RASSF3: variants seen among roughly 807,000 people sequenced by gnomAD.
The protein encoded by RASSF3 is Ras association domain family member 3, also known as ras association domain-containing protein 3.
In RASSF3, 19 loss-of-function variants were observed where a neutral mutation model predicts 19.9. The ratio of observed to expected loss-of-function variants is 0.96; its 90% CI spans 0.67 to 1.40. The LOEUF (loss-of-function observed/expected upper bound fraction) is 1.40, where lower values mean the gene tolerates loss of function less well. Ranked by LOEUF, RASSF3 falls within the 40% of genes most tolerant of loss-of-function variation. The pLI is 0.00. For synonymous variants in RASSF3, 110 were observed against 104.2 expected (o/e 1.06, Z -0.34); for missense variants, 306 against 289.8 (o/e 1.06, Z -0.41).
At chr12:64,527,351 T>C (rs1868609904) in intron 1 of RASSF3, among the ~76,000 whole-genome samples, 1 of 152,170 alleles carries the variant, frequency 6.6e-6, no homozygotes, top group African/African-American at 2.4e-5. Flanking sequence ...AAACAGAAGA[T>C]AACGACAGTA....
rs1175074464 is a variant in RASSF3, at chr12:64,696,118, C to CCTCCCTCACTCCCTCCCTCA, written c.*1210_*1211insCTCACTCCCTCCCTCACTCC. The CCTCCCTCACTCCCTCCCTCA allele has an allele frequency of 2.2e-5, 2 of 89,756 alleles. No individual in the cohort carries two copies. Among genetic ancestry groups the CCTCCCTCACTCCCTCCCTCA allele is most frequent in the African/African-American group, 9.8e-5 (2 of 20,344 alleles). The allele number at this position is 89,756 out of a possible 1,614,324, so 5.6% of individuals were successfully genotyped here. ...CCCTCCCTCCCTCCCTCCCTCCCTCCCTCCTTCCCTCCCTCTCTCTCCCTC... is the reference window on the plus strand; with the variant it reads ...CCCTCCCTCCCTCCCTCCCTCCCTCCCTCCCTCACTCCCTCCCTCACTCCTTCCCTCCCTCTCTCTCCCTC... On this transcript the variant is annotated 3_prime_UTR_variant, in exon 5 of 5. Transcript: ENST00000542104.
At chr12:64,543,495 TCCCCCACA>T (rs1211508969), downstream of RASSF3, among the ~76,000 whole-genome samples, 2 of 19,324 alleles carry the variant, frequency 1.0e-4, no homozygotes, top group African/African-American at 1.5e-4. Flanking sequence ...ACTCCCCCAC[TCCCCCACA>T]CCCTCCCCCC....
At chr12:64,682,509 G>C (rs551663759) in intron 1 of RASSF3, among the ~76,000 whole-genome samples, 1 of 151,486 alleles carries the variant, frequency 6.6e-6, no homozygotes, top group Admixed American at 6.6e-5. Context: ...GGAGGTTGCA[G>C]TGAGCCCAGA....
At chr12:64,618,534 G>A (rs997255302) in intron 1 of RASSF3, among the ~76,000 whole-genome samples, 7 of 152,008 alleles carry the variant, frequency 4.6e-5, no homozygotes, top group East Asian at 1.9e-4. Context: ...ATACCATGTT[G>A]GCCAGACTGG....
At chr12:64,638,890 G>A (rs1470293117) in intron 1 of RASSF3, among the ~76,000 whole-genome samples, 2 of 152,148 alleles carry the variant, frequency 1.3e-5, no homozygotes, top group African/African-American at 4.8e-5. Context: ...CCATTTTACT[G>A]TTGATGGACA....
At chr12:64,601,812 C>G (rs1409800657) in intron 2 of RASSF3, among the ~76,000 whole-genome samples, 2 of 150,238 alleles carry the variant, frequency 1.3e-5, no homozygotes, top group Non-Finnish European at 3.0e-5. Flanking sequence ...GACTCTGTCT[C>G]TTAAAAATAA....
At chr12:64,643,243 T>G (rs969908799) in intron 1 of RASSF3, among the ~76,000 whole-genome samples, 5 of 152,122 alleles carry the variant, frequency 3.3e-5, no homozygotes, top group African/African-American at 9.7e-5. Context: ...AAGAAGTTAT[T>G]AATACCTTGT....
chr12:64,558,124 C>T (rs1259484893), intron 2 of RASSF3, among the ~76,000 whole-genome samples: 1 of 152,150 alleles, frequency 6.6e-6, no homozygotes, highest in Non-Finnish European at 1.5e-5. Flanking sequence ...GGAATAGTGC[C>T]ATACTGAGGG....
At chr12:64,555,469 G>T (rs940757061) in intron 2 of RASSF3, among the ~76,000 whole-genome samples, 11 of 152,128 alleles carry the variant, frequency 7.2e-5, no homozygotes, top group Admixed American at 2.0e-4. Flanking sequence ...GCCTCTACCG[G>T]CCGGGCACGG....
chr12:64,693,974 T>C (rs1331512840), intron 4 of RASSF3, among the ~76,000 whole-genome samples: 1 of 152,064 alleles, frequency 6.6e-6, no homozygotes, highest in Non-Finnish European at 1.5e-5. Context: ...GAGAGGAAGT[T>C]GTGGAAAGCT....
intron 1 of RASSF3, among the ~76,000 whole-genome samples, chr12:64,675,052 C>CCCCCCCCCCCCCCCCCCCCCCCCCCCG (rs1555215878): frequency 9.7e-6 from 1 of 102,622 alleles, no homozygotes. Flanking sequence ...CTAGCCCCCC[C>CCCCCCCCCCCCCCCCCCCCCCCCCCCG]CCCCCCCGCC....
chr12:64,558,351 G>A (rs751820811), intron 2 of RASSF3, among the ~76,000 whole-genome samples: 3 of 152,078 alleles, frequency 2.0e-5, no homozygotes, highest in Non-Finnish European at 2.9e-5. Context: ...TTGGTTGATC[G>A]GTACCTTTTC....
At chr12:64,623,619 C>A (rs1023410899) in intron 1 of RASSF3, among the ~76,000 whole-genome samples, 10 of 152,032 alleles carry the variant, frequency 6.6e-5, no homozygotes, top group Admixed American at 6.6e-4. Context: ...GAAGGTACAG[C>A]CCTTTCAGAT....
At chr12:64,681,896 T>C (rs946916586) in intron 1 of RASSF3, among the ~76,000 whole-genome samples, 13 of 152,130 alleles carry the variant, frequency 8.5e-5, no homozygotes, top group Non-Finnish European at 1.5e-4. Flanking sequence ...TCCCAGCTAT[T>C]CAGGAGACTG....
intron 2 of RASSF3, among the ~76,000 whole-genome samples, chr12:64,596,919 G>A (rs1014811517): frequency 4.0e-5 from 6 of 151,746 alleles, no homozygotes; most frequent in African/African-American, 1.5e-4. Flanking sequence ...AGTAGAGATC[G>A]GGTTTCTCCA....
chr12:64,590,995 C>T (rs968078699), intron 2 of RASSF3, among the ~76,000 whole-genome samples: 4 of 152,192 alleles, frequency 2.6e-5, no homozygotes, highest in Non-Finnish European at 4.4e-5. Context: ...AAATACCTCT[C>T]AATGACACAG....
chr12:64,629,573 G>A (rs562710952), intron 1 of RASSF3, among the ~76,000 whole-genome samples: 2 of 152,302 alleles, frequency 1.3e-5, no homozygotes, highest in Admixed American at 1.3e-4. Flanking sequence ...TATATGTAAT[G>A]TGATAATATG....
At chr12:64,606,369 CA>C (rs1870193260), upstream of RASSF3, among the ~76,000 whole-genome samples, 1 of 152,108 alleles carries the variant, frequency 6.6e-6, no homozygotes, top group Non-Finnish European at 1.5e-5. Flanking sequence ...GTTAAGTATG[CA>C]ATAAGGTCTA....
intron 1 of RASSF3, among the ~76,000 whole-genome samples, chr12:64,646,977 T>G (rs1871756836): frequency 1.3e-5 from 2 of 152,198 alleles, no homozygotes; most frequent in Admixed American, 1.3e-4. Flanking sequence ...AAGCTAAAGC[T>G]TTGAGAGGTT....
Sources: gnomAD v4.1 joint callset for allele counts (sites outside exome capture counted in the v4.1 genomes callset) on GRCh38, gnomAD v4.1.1 for gene constraint, MANE v1.5 for transcripts, NCBI Gene and HGNC (gene_info 2026-07-23, HGNC 2026-07-21) for gene names.